Variants in NFASC observed in about 807,000 individuals in gnomAD.
NFASC encodes neurofascin homolog.
A neutral mutation model predicts 147.5 loss-of-function variants in NFASC; 43 were observed. The observed-to-expected ratio is 0.29, with a 90% CI of 0.23 to 0.38. The LOEUF (loss-of-function observed/expected upper bound fraction) is 0.38, where lower values mean the gene tolerates loss of function less well. Ranked by LOEUF, NFASC falls within the 10% of genes least tolerant of loss-of-function variation. The pLI is 1.00. For missense variants in NFASC, 1,320 were observed against 1,689.0 expected (o/e 0.78, Z 3.83); for synonymous variants, 622 against 665.5 (o/e 0.93, Z 1.01).
rs1250500756 is a variant in NFASC, at chr1:205,016,294, C to T, written c.3492-14C>T. The T allele has an allele frequency of 6.3e-7, 1 of 1,584,938 alleles. No individual in the cohort carries two copies. The highest frequency in any genetic ancestry group is 8.7e-7 in the Non-Finnish European group (1 of 1,153,688). On this transcript the variant is annotated splice_polypyrimidine_tract_variant and intron_variant, in intron 29 of 29. Coordinates refer to ENST00000339876, the MANE Select transcript of NFASC (RefSeq NM_001005388.3). This position sits in a 1 kb window ranked among gnomAD's most constrained non-coding sequence, Gnocchi z 5.1. ...TCTCACCCCACCTGAGATTCTCTGT[C>T]TCTCTTTGGCCAGTGATGAGGACAA... is the stretch of plus-strand genomic sequence containing the variant.
intron 8 of NFASC, among the ~76,000 whole-genome samples, chr1:204,967,655 C>T (rs528107489): frequency 6.6e-6 from 1 of 152,058 alleles, no homozygotes; most frequent in South Asian, 2.1e-4. Flanking sequence ...ATGGTCTTGG[C>T]CCCGGAGTGA....
chr1:204,958,914 CATT>C (rs2150080203), intron 8 of NFASC, among the ~76,000 whole-genome samples: 1 of 152,164 alleles, frequency 6.6e-6, no homozygotes. Context: ...GGGGTGTGAC[CATT>C]ATCGTTCTCT....
At chr1:204,996,822 G>A (rs1217269400) in intron 24 of NFASC, among the ~76,000 whole-genome samples, 2 of 152,156 alleles carry the variant, frequency 1.3e-5, no homozygotes, top group African/African-American at 4.8e-5. Flanking sequence ...CATCTGGCCA[G>A]TGTTTGGCCT....
At chr1:204,984,242 G>T in intron 21 of NFASC, 1 of 756,496 alleles carries the variant, frequency 1.3e-6, no homozygotes, top group Non-Finnish European at 2.3e-6. Flanking sequence ...AAACCCTAGC[G>T]TTGTTTATTG....
At position 204,920,749 on chromosome 1, in the gene NFASC, G is replaced by A. The variant is rs1388375333; in HGVS notation, c.-91+9G>A. On this transcript the variant is annotated intron_variant, in intron 2 of 29. Transcript: ENST00000339876. ...TGAATGAGGCAGAGAAGGTAAGCAG[G>A]ACTTGGGCCTGGGGTATGTGTCATT... 1 of 1,252,458 alleles carries A rather than the reference G, an allele frequency of 8.0e-7. No individual in the cohort carries two copies. Among genetic ancestry groups the A allele is most frequent in the Non-Finnish European group, 1.0e-6 (1 of 954,942 alleles). The allele number at this position is 1,252,458 out of a possible 1,614,324, so 77.6% of individuals were successfully genotyped here. A position where few individuals can be genotyped will look rare whatever the true frequency, so the allele number is the denominator to read the frequency against.
chr1:204,946,633 C>T (rs1478539566), intron 3 of NFASC: 1 of 502,908 alleles, frequency 2.0e-6, no homozygotes, highest in Non-Finnish European at 4.0e-6. Context: ...ATGGCCGAGG[C>T]CATCTCCTGG....
intron 2 of NFASC, 61 bp from the exon 3 acceptor site, chr1:204,944,165 A>AT: frequency 6.8e-7 from 1 of 1,464,254 alleles, no homozygotes; most frequent in Non-Finnish European, 9.2e-7. Context: ...GCCCTGTAGG[A>AT]TTGCTAGAGC....
intron 1 of NFASC, among the ~76,000 whole-genome samples, chr1:204,859,123 G>A (rs142319799): frequency 3.9e-5 from 6 of 152,188 alleles, no homozygotes; most frequent in Non-Finnish European, 5.9e-5. Flanking sequence ...TATTACAGGC[G>A]CATGCCAACA....
At chr1:204,932,633 T>C (rs573957730) in intron 2 of NFASC, among the ~76,000 whole-genome samples, 2 of 152,332 alleles carry the variant, frequency 1.3e-5, no homozygotes, top group South Asian at 4.1e-4. Context: ...AATACAGTCT[T>C]ATTGGAACTG....
At chr1:204,918,688 C>T (rs534378302) in intron 1 of NFASC, among the ~76,000 whole-genome samples, 47 of 148,636 alleles carry the variant, frequency 3.2e-4, no homozygotes, top group South Asian at 1.9e-3. Flanking sequence ...CAGGTTCAAG[C>T]GATTCTCATG....
In NFASC at chr1:205,016,202, C is replaced by A. The variant is rs755611785; in HGVS notation, c.3492-106C>A. The A allele has an allele frequency of 3.9e-6, 3 of 775,582 alleles. No homozygotes were observed. In the African/African-American group the frequency reaches 5.1e-5, roughly 13 times the overall value. 48.0% of individuals were successfully genotyped at this position (775,582 alleles called of 1,614,324 possible). ...AGGGTGAAGCGGGGGCTGGACTGGG[C>A]GGTCTCCTGGATCCCATCCTCTCTG... On this transcript the variant is annotated intron_variant, in intron 29 of 29. Transcript: ENST00000339876. This position sits in a 1 kb window ranked among gnomAD's most constrained non-coding sequence, Gnocchi z 5.1.
rs60582969 is a variant in NFASC, at chr1:204,876,996, G to GTATATATA, written c.-199-43611_-199-43604dup. Among the ~76,000 whole-genome samples the GTATATATA allele has an allele frequency of 1.3e-3, 95 of 74,652 alleles. 2 individuals carry two copies. The highest frequency in any genetic ancestry group is 6.0e-3 in the Middle Eastern group (1 of 168). The allele number at this position is 74,652 out of a possible 152,430, so 49.0% of individuals were successfully genotyped here. ...TATGCCAAATGAGTTGGCTAAATAT[G>GTATATATA]TATATATATATATATATATATATAT... On this transcript the variant is annotated intron_variant, in intron 1 of 29. Coordinates refer to ENST00000339876, the MANE Select transcript of NFASC (RefSeq NM_001005388.3).
intron 1 of NFASC, among the ~76,000 whole-genome samples, chr1:204,884,440 G>A (rs1257838788): frequency 6.6e-6 from 1 of 152,134 alleles, no homozygotes; most frequent in Admixed American, 6.5e-5. Context: ...AGTTTAGGAA[G>A]GCAGGCGAGG....
At chr1:204,930,723 G>A (rs1448967716) in intron 2 of NFASC, among the ~76,000 whole-genome samples, 1 of 152,244 alleles carries the variant, frequency 6.6e-6, no homozygotes, top group Non-Finnish European at 1.5e-5. Context: ...TGGAGGGGTG[G>A]CCCACTTAGG....
At chr1:204,977,948 G>C (rs1294833430) in intron 17 of NFASC, among the ~76,000 whole-genome samples, 4 of 152,170 alleles carry the variant, frequency 2.6e-5, no homozygotes, top group Non-Finnish European at 5.9e-5. Context: ...GTTCTCGGCT[G>C]CTGTTTTACC....
At chr1:204,892,272 A>T (rs1229573683) in intron 1 of NFASC, among the ~76,000 whole-genome samples, 1 of 152,218 alleles carries the variant, frequency 6.6e-6, no homozygotes, top group Admixed American at 6.5e-5. Flanking sequence ...TCAGTTCCTT[A>T]GCAAATGTAG....
intron 1 of NFASC, among the ~76,000 whole-genome samples, chr1:204,843,504 T>A (rs529545450): frequency 3.5e-4 from 53 of 152,286 alleles, no homozygotes; most frequent in African/African-American, 1.3e-3. Context: ...TTGTTTTTGC[T>A]CCAAATCATT....
intron 1 of NFASC, among the ~76,000 whole-genome samples, chr1:204,886,873 T>C (rs2081400354): frequency 6.6e-6 from 1 of 152,204 alleles, no homozygotes; most frequent in Non-Finnish European, 1.5e-5. Context: ...TGCAGGACCC[T>C]ATCGAATTCA....
intron 24 of NFASC, among the ~76,000 whole-genome samples, chr1:204,996,824 G>A (rs1326277177): frequency 6.6e-6 from 1 of 152,120 alleles, no homozygotes; most frequent in African/African-American, 2.4e-5. Flanking sequence ...TCTGGCCAGT[G>A]TTTGGCCTGG....
Sources: gnomAD v4.1 joint callset for allele counts (sites outside exome capture counted in the v4.1 genomes callset) on GRCh38, gnomAD v4.1.1 for gene constraint, Gnocchi (gnomAD v3.1) non-coding constraint, MANE v1.5 for transcripts, NCBI Gene and HGNC (gene_info 2026-07-23, HGNC 2026-07-21) for gene names.